EXOC6: variants seen among roughly 807,000 people sequenced by gnomAD.
EXOC6 encodes the protein exocyst complex component 6.
EXOC6 carries 60 observed loss-of-function variants against 112.5 expected under a neutral mutation model. The ratio of observed to expected loss-of-function variants is 0.53; its 90% confidence interval spans 0.43 to 0.66. The LOEUF is 0.66. Among genes scored for constraint, EXOC6 ranks in the 30% least tolerant of loss-of-function variants. EXOC6 has a pLI of 0.00. For missense variants in EXOC6, 855 were observed against 957.1 expected (o/e 0.89, Z 1.41); for synonymous variants, 295 against 308.0 (o/e 0.96, Z 0.44).
intron 20 of EXOC6, among the ~76,000 whole-genome samples, chr10:93,020,977 T>C (rs1490898832): frequency 6.6e-6 from 1 of 151,642 alleles, no homozygotes; most frequent in Non-Finnish European, 1.5e-5. Context: ...AGAAAACGGT[T>C]ACCTCTGGTT....
intron 1 of EXOC6, among the ~76,000 whole-genome samples, chr10:92,827,556 C>G (rs188899966): frequency 7.5e-5 from 11 of 147,054 alleles, no homozygotes; most frequent in African/African-American, 2.7e-4. Context: ...CTGTGTACAC[C>G]CTGGGCAGCA....
chr10:92,974,836 G>C (rs560706492), intron 18 of EXOC6, among the ~76,000 whole-genome samples: 1 of 152,190 alleles, frequency 6.6e-6, no homozygotes, highest in Non-Finnish European at 1.5e-5. Flanking sequence ...CCGAGGTGCC[G>C]GGATTGCAGA....
At chr10:92,924,514 A>G (rs1208002174) in intron 8 of EXOC6, among the ~76,000 whole-genome samples, 1 of 152,122 alleles carries the variant, frequency 6.6e-6, no homozygotes, top group African/African-American at 2.4e-5. Context: ...AATGTTTTCT[A>G]CTTCATATTT....
chr10:92,968,407 AAC>A (rs1842153205), intron 17 of EXOC6, among the ~76,000 whole-genome samples: 3 of 152,108 alleles, frequency 2.0e-5, no homozygotes, highest in African/African-American at 7.2e-5. Flanking sequence ...GCAGTTATTT[AAC>A]TCCTGGCCTC....
At chr10:92,845,797 G>T (rs547425345), upstream of EXOC6, among the ~76,000 whole-genome samples, 4 of 151,348 alleles carry the variant, frequency 2.6e-5, no homozygotes, top group South Asian at 8.4e-4. Flanking sequence ...AATTAGCTGG[G>T]CGTGGTGGCA....
At chr10:93,052,069 C>T (rs1190605279) in intron 20 of EXOC6, among the ~76,000 whole-genome samples, 1 of 152,174 alleles carries the variant, frequency 6.6e-6, no homozygotes, top group African/African-American at 2.4e-5. Context: ...TATTTATCTT[C>T]TGTCCTGGGT....
At chr10:92,853,887 G>A (rs1017868503) in intron 1 of EXOC6, among the ~76,000 whole-genome samples, 4 of 151,886 alleles carry the variant, frequency 2.6e-5, no homozygotes, top group African/African-American at 9.7e-5. Context: ...TTGATAAATT[G>A]GACTTTATTT....
At chr10:92,977,676 GACAC>G (rs10636165) in intron 18 of EXOC6, among the ~76,000 whole-genome samples, 1 of 150,602 alleles carries the variant, frequency 6.6e-6, no homozygotes, top group African/African-American at 2.4e-5. Context: ...CGTGCTTGCA[GACAC>G]ACACACACAC....
intron 18 of EXOC6, among the ~76,000 whole-genome samples, chr10:92,981,256 G>A (rs1005897370): frequency 3.9e-5 from 6 of 152,140 alleles, no homozygotes; most frequent in Admixed American, 1.3e-4. Flanking sequence ...TGAGCAGCTT[G>A]GACATATCTT....
chr10:92,979,060 G>A (rs1044523469), intron 18 of EXOC6, among the ~76,000 whole-genome samples: 4 of 152,196 alleles, frequency 2.6e-5, no homozygotes, highest in Non-Finnish European at 5.9e-5. Flanking sequence ...CCCTAACCCT[G>A]AAAGTTACCT....
At chr10:92,853,159 C>G (rs1433014047) in intron 1 of EXOC6, among the ~76,000 whole-genome samples, 1 of 152,130 alleles carries the variant, frequency 6.6e-6, no homozygotes, top group African/African-American at 2.4e-5. Context: ...ATATGAAATA[C>G]TCAGGGATAA....
intron 20 of EXOC6, among the ~76,000 whole-genome samples, chr10:93,043,588 A>G (rs1022287204): frequency 6.6e-6 from 1 of 152,212 alleles, no homozygotes; most frequent in Admixed American, 6.5e-5. Context: ...ATGATTATGC[A>G]AAGTGTCAAT....
intron 20 of EXOC6, among the ~76,000 whole-genome samples, chr10:93,027,078 T>G (rs1845062013): frequency 6.6e-6 from 1 of 152,228 alleles, no homozygotes. Context: ...AAGATTGATA[T>G]GAGAGCAAAA....
chr10:92,865,677 C>G (rs1848139512), intron 1 of EXOC6, among the ~76,000 whole-genome samples: 2 of 151,898 alleles, frequency 1.3e-5, no homozygotes, highest in Admixed American at 1.3e-4. Flanking sequence ...GAACTTCTGG[C>G]CTCAAGTGAT....
chr10:92,875,022 G>A (rs61860832), intron 1 of EXOC6, among the ~76,000 whole-genome samples: 3,346 of 152,200 alleles, frequency 0.022, 56 homozygotes, highest in African/African-American at 0.041. Flanking sequence ...GTTCTCAGAG[G>A]GAAGGTAGGT....
At chr10:92,987,811 T>C (rs1161742035) in intron 18 of EXOC6, among the ~76,000 whole-genome samples, 1 of 152,130 alleles carries the variant, frequency 6.6e-6, no homozygotes, top group Non-Finnish European at 1.5e-5. Context: ...TATTAGTTGT[T>C]TGTGAAGCAG....
intron 12 of EXOC6, among the ~76,000 whole-genome samples, chr10:92,936,706 AC>A (rs1278835838): frequency 6.6e-6 from 1 of 152,188 alleles, no homozygotes; most frequent in Non-Finnish European, 1.5e-5. Context: ...CAAGTTGTAC[AC>A]CTGCTGCGTT....
In EXOC6 at chr10:92,920,016, C is replaced by T. The variant is rs1294608154; in HGVS notation, c.854C>T (p.Pro285Leu). The T allele has an allele frequency of 6.2e-7, 1 of 1,606,362 alleles. No individual in the cohort carries two copies. The change falls in exon 8 of 22, where the codon CCT becomes CTT. Residue 285 changes from proline to leucine, a missense_variant. Physicochemically the swap from Pro to Leu is moderately conservative, Grantham distance 98. Around this residue, in one of 2 missense-constraint regions of EXOC6, gnomAD observed 405 missense variants for 393.6 expected, o/e 1.03. Coordinates refer to ENST00000260762, the MANE Select transcript of EXOC6 (RefSeq NM_019053.6). ...LTVQDLVDFS[P>L]VYRCLHIYSV... is the part of the protein sequence containing the mutation. ...GTTCAGGATCTTGTTGATTTTTCCC[C>T]TGTTTATCGATGTTTGCACATTTAT...
At chr10:92,907,411 G>T (rs890844048) in intron 5 of EXOC6, among the ~76,000 whole-genome samples, 1 of 152,134 alleles carries the variant, frequency 6.6e-6, no homozygotes, top group African/African-American at 2.4e-5. Flanking sequence ...ATGGGCGCTA[G>T]GTAAGTCTTA....
Sources: gnomAD v4.1 joint callset for allele counts (sites outside exome capture counted in the v4.1 genomes callset) on GRCh38, gnomAD v4.1.1 for gene constraint, gnomAD v4.1.1 regional missense constraint, MANE v1.5 for transcripts, NCBI Gene and HGNC (gene_info 2026-07-23, HGNC 2026-07-21) for gene names.